The following CHRNB3 variants were observed in gnomAD, a reference collection of about 807,000 sequenced individuals.
CHRNB3 encodes cholinergic receptor nicotinic beta 3 subunit.
Under a neutral mutation model 40.6 loss-of-function variants are expected in CHRNB3, and 37 were observed. The observed-to-expected ratio is 0.91, with a 90% CI of 0.70 to 1.20. CHRNB3 has a LOEUF of 1.20. Among genes scored for constraint, CHRNB3 ranks in the 50% most tolerant of loss-of-function variants. The pLI is 0.00. For synonymous variants in CHRNB3, 207 were observed against 207.1 expected (o/e 1.00, Z 0.00); for missense variants, 505 against 551.2 (o/e 0.92, Z 0.84).
chr8:42,735,611 A>G (rs1400079094), intron 5 of CHRNB3, among the ~76,000 whole-genome samples: 6 of 152,020 alleles, frequency 3.9e-5, no homozygotes, highest in African/African-American at 1.4e-4. Context: ...GAGGACATTT[A>G]TTTACTCTAG....
chr8:42,735,785 C>T (rs942156171), intron 5 of CHRNB3, among the ~76,000 whole-genome samples: 7 of 152,178 alleles, frequency 4.6e-5, no homozygotes, highest in East Asian at 3.9e-4. Context: ...CGGTTCTTCT[C>T]CTTGGCAGCA....
intron 1 of CHRNB3, among the ~76,000 whole-genome samples, chr8:42,698,057 T>A (rs1026929341): frequency 4.6e-5 from 7 of 152,186 alleles, no homozygotes; most frequent in African/African-American, 1.7e-4. Context: ...AATCTGTGTA[T>A]GTAGGTAGAT....
Position 42,732,391 on chromosome 8 carries a change from G to A in CHRNB3, c.1084G>A (p.Glu362Lys). 3.1e-6 allele frequency: 5 copies of A among 1,613,926 alleles called. No individual in the cohort carries two copies. Among genetic ancestry groups the A allele is most frequent in the Non-Finnish European group, 4.2e-6 (5 of 1,179,982 alleles). Reference protein sequence around the residue: ...HVDRYSSPEKEESQPVVKGKV... With the variant: ...HVDRYSSPEKKESQPVVKGKV... ...GGATCGCTACTCATCCCCAGAGAAA[G>A]AGGAGAGTCAACCAGTAGTGAAAGG... Residue 362 changes from glutamate (E) to lysine (K), a missense_variant, in exon 5 of 6, where the codon GAG (glutamate) becomes AAG (lysine). Coordinates refer to ENST00000289957, the MANE Select transcript of CHRNB3 (RefSeq NM_000749.5).
intron 4 of CHRNB3, 72 bp downstream of exon 4, chr8:42,730,775 G>A (rs1401078330): frequency 2.4e-5 from 23 of 940,704 alleles, no homozygotes; most frequent in Middle Eastern, 6.5e-4. Flanking sequence ...AAGGCTGGGC[G>A]CGGTGGCTCA....
intron 3 of CHRNB3, among the ~76,000 whole-genome samples, chr8:42,725,251 G>A (rs1389028082): frequency 3.3e-5 from 5 of 151,338 alleles, no homozygotes; most frequent in South Asian, 4.2e-4. Flanking sequence ...CACCATGCCC[G>A]GCTAATTTTT....
chr8:42,727,988 T>C (rs530823054), intron 3 of CHRNB3, among the ~76,000 whole-genome samples: 1 of 152,220 alleles, frequency 6.6e-6, no homozygotes, highest in South Asian at 2.1e-4. Flanking sequence ...ACTGATAAAA[T>C]GAACTTTTAG....
intron 1 of CHRNB3, among the ~76,000 whole-genome samples, chr8:42,702,508 C>T (rs1815826710): frequency 6.6e-6 from 1 of 152,290 alleles, no homozygotes; most frequent in African/African-American, 2.4e-5. Flanking sequence ...TGGCTCACGC[C>T]TGTAAACCCA....
At chr8:42,697,764 GGTTT>G (rs1011365203) in intron 1 of CHRNB3, among the ~76,000 whole-genome samples, 166 bp downstream of exon 1, 2 of 151,756 alleles carry the variant, frequency 1.3e-5, no homozygotes, top group African/African-American at 4.8e-5. Flanking sequence ...TGAGATGTGG[GGTTT>G]TTTTTGCTGA....
chr8:42,707,502 T>C (rs1335194541), intron 1 of CHRNB3, among the ~76,000 whole-genome samples: 1 of 152,214 alleles, frequency 6.6e-6, no homozygotes, highest in African/African-American at 2.4e-5. Context: ...GGACTGCACC[T>C]GTGAATGGCC....
Sources: allele counts gnomAD v4.1 joint callset (sites outside exome capture counted in the v4.1 genomes callset), GRCh38; gene constraint gnomAD v4.1.1; transcripts MANE v1.5; gene names NCBI Gene and HGNC (gene_info 2026-07-23, HGNC 2026-07-21).